Variants in GRM8 observed in about 807,000 individuals in gnomAD.
The protein encoded by GRM8 is glutamate metabotropic receptor 8, also known as metabotropic glutamate receptor 8.
GRM8 carries 47 observed loss-of-function variants against 87.2 expected under a neutral mutation model. The observed-to-expected ratio is 0.54, with a 90% CI of 0.43 to 0.69. The LOEUF is 0.69. GRM8 is among the 30% of genes least tolerant of loss of function. The probability of loss-of-function intolerance (pLI) is 0.00; values close to 1 mark genes in which losing one functional copy is unlikely to be tolerated. For missense variants in GRM8, 1,019 were observed against 1,139.2 expected (o/e 0.89, Z 1.52); for synonymous variants, 396 against 404.5 (o/e 0.98, Z 0.25).
chr7:126,845,366 A>G (rs899057891), intron 6 of GRM8, among the ~76,000 whole-genome samples: 3 of 152,192 alleles, frequency 2.0e-5, no homozygotes, highest in African/African-American at 7.2e-5. Context: ...ATATGCTTCT[A>G]TGAGCAGCTC....
At chr7:127,066,359 T>C (rs763574032) in intron 3 of GRM8, among the ~76,000 whole-genome samples, 5 of 152,216 alleles carry the variant, frequency 3.3e-5, no homozygotes, top group Non-Finnish European at 7.3e-5. Context: ...GAAGGTAACA[T>C]TGTGACTTAT....
chr7:126,993,450 T>C (rs1214059887), intron 3 of GRM8, among the ~76,000 whole-genome samples: 4 of 152,110 alleles, frequency 2.6e-5, no homozygotes, highest in Admixed American at 2.6e-4. Flanking sequence ...TCTCCACAAA[T>C]TGTCTCACCT....
Position 126,547,473 on chromosome 7 carries a change from A to G in GRM8, c.1495-13586T>C, listed in dbSNP as rs564108340. Among the ~76,000 whole-genome samples, 14 of 151,994 alleles carry G rather than the reference A, an allele frequency of 9.2e-5. No homozygotes were observed. The East Asian group carries it at 2.7e-3, about 29-fold the overall frequency. ...TTATGTTTAATAATATATCTGATAC[A>G]TTATCATTCATTATTATTCATAATA... is the stretch of plus-strand genomic sequence containing the variant. On this transcript the variant is annotated intron_variant, in intron 8 of 10. Coordinates refer to ENST00000339582, the MANE Select transcript of GRM8 (RefSeq NM_000845.3).
At chr7:126,456,991 C>A (rs1803320751) in intron 9 of GRM8, among the ~76,000 whole-genome samples, 1 of 151,454 alleles carries the variant, frequency 6.6e-6, no homozygotes, top group Non-Finnish European at 1.5e-5. Flanking sequence ...CCAGGCTTCT[C>A]AGACAAAACT....
chr7:126,590,332 GA>G (rs1180839105), intron 8 of GRM8, among the ~76,000 whole-genome samples: 4 of 151,438 alleles, frequency 2.6e-5, no homozygotes, highest in Non-Finnish European at 4.4e-5. Context: ...CAAAGACAAA[GA>G]AAAAAAGAAT....
intron 7 of GRM8, among the ~76,000 whole-genome samples, chr7:126,713,609 A>G (rs1197626845): frequency 1.5e-5 from 2 of 136,676 alleles, no homozygotes; most frequent in Non-Finnish European, 3.2e-5. Flanking sequence ...AACTTAAAGT[A>G]AAAAAAAAAA....
rs1294156220 is a variant in GRM8 at position 126,670,957 on chromosome 7, T to C, written c.1358-61459A>G. On this transcript the variant is annotated intron_variant, in intron 7 of 10. Transcript: ENST00000339582. ...TGGAAACTATCTGTCAGTATTCTTATGGCAATATAGTTGTTTGCATCAGTA... is the reference window on the plus strand; with the variant it reads ...TGGAAACTATCTGTCAGTATTCTTACGGCAATATAGTTGTTTGCATCAGTA... 2.0e-5 allele frequency among the ~76,000 whole-genome samples: 3 copies of C among 152,376 alleles called. No individual in the cohort carries two copies. The East Asian group carries it at 5.8e-4, about 29-fold the overall frequency.
At chr7:126,571,512 T>C (rs190019880) in intron 8 of GRM8, among the ~76,000 whole-genome samples, 17 of 152,252 alleles carry the variant, frequency 1.1e-4, no homozygotes, top group Admixed American at 5.2e-4. Flanking sequence ...GGGCTCTTCT[T>C]TAAGAAAATG....
intron 2 of GRM8, among the ~76,000 whole-genome samples, chr7:127,115,117 T>C (rs758804986): frequency 6.6e-6 from 1 of 152,112 alleles, no homozygotes; most frequent in Non-Finnish European, 1.5e-5. Flanking sequence ...TTCTGACCTC[T>C]CCCTCATACA....
chr7:126,937,208 G>A (rs926192071), intron 3 of GRM8, among the ~76,000 whole-genome samples: 3 of 152,136 alleles, frequency 2.0e-5, no homozygotes, highest in African/African-American at 7.2e-5. Context: ...TTTCCCATTC[G>A]AGCCTATTGC....
intron 9 of GRM8, among the ~76,000 whole-genome samples, chr7:126,528,768 T>C (rs1478245556): frequency 6.6e-6 from 1 of 152,116 alleles, no homozygotes; most frequent in African/African-American, 2.4e-5. Context: ...TACATTGCTT[T>C]GTATTGGAAT....
chr7:126,695,265 C>T (rs952520297), intron 7 of GRM8, among the ~76,000 whole-genome samples: 1 of 152,070 alleles, frequency 6.6e-6, no homozygotes, highest in African/African-American at 2.4e-5. Context: ...GAATAATATT[C>T]CATACTGATA....
chr7:126,897,244 C>G (rs2159703), intron 6 of GRM8, among the ~76,000 whole-genome samples: 144 of 152,248 alleles, frequency 9.5e-4, no homozygotes, highest in Non-Finnish European at 1.8e-3. Flanking sequence ...ACAATATTCA[C>G]TATTGGGTCC....
chr7:127,048,776 TATG>T (rs1435444136), intron 3 of GRM8, among the ~76,000 whole-genome samples: 1 of 152,230 alleles, frequency 6.6e-6, no homozygotes, highest in Non-Finnish European at 1.5e-5. Flanking sequence ...CTATTTAATG[TATG>T]ATATTATAAT....
At chr7:127,043,624 G>C (rs1456336494) in intron 3 of GRM8, among the ~76,000 whole-genome samples, 1 of 152,162 alleles carries the variant, frequency 6.6e-6, no homozygotes, top group South Asian at 2.1e-4. Flanking sequence ...TAGGGTGTGG[G>C]GAGCGGGGAG....
Position 126,940,757 on chromosome 7 carries a change from TTTGTTG to T in GRM8, c.728-36080_728-36075del, listed in dbSNP as rs532673560. ...TTCTATGATTGTCATTTGGGGTCAA[TTTGTTG>T]TTGTTGTTGTTCCTTCTCTTCCTTT... On this transcript the variant is annotated intron_variant, in intron 3 of 10. Transcript: ENST00000339582. 4.0e-3 allele frequency among the ~76,000 whole-genome samples: 608 copies of T among 152,230 alleles called. 5 individuals carry two copies. The highest frequency in any genetic ancestry group is 0.014 in the African/African-American group (579 of 41,544).
At chr7:126,544,617 TCTC>T (rs1816929625) in intron 8 of GRM8, among the ~76,000 whole-genome samples, 1 of 152,158 alleles carries the variant, frequency 6.6e-6, no homozygotes, top group East Asian at 1.9e-4. Context: ...TTCAGACGAT[TCTC>T]CTGCCTCAGC....
chr7:127,107,139 T>C (rs1269507698), intron 2 of GRM8, among the ~76,000 whole-genome samples: 6 of 152,336 alleles, frequency 3.9e-5, no homozygotes, highest in Admixed American at 1.3e-4. Flanking sequence ...TGCTATACAA[T>C]GACTAACAGG....
intron 8 of GRM8, among the ~76,000 whole-genome samples, chr7:126,536,254 A>G (rs1361349431): frequency 1.3e-5 from 2 of 152,206 alleles, no homozygotes; most frequent in Non-Finnish European, 2.9e-5. Context: ...CTCTTTGACA[A>G]TCAGGTGACT....
Sources: allele counts gnomAD v4.1 joint callset (sites outside exome capture counted in the v4.1 genomes callset), GRCh38; gene constraint gnomAD v4.1.1; transcripts MANE v1.5; gene names NCBI Gene and HGNC (gene_info 2026-07-23, HGNC 2026-07-21).